The following TCEANC2 variants were observed in gnomAD, a reference collection of about 807,000 sequenced individuals.
TCEANC2 encodes transcription elongation factor A N-terminal and central domain-containing protein 2.
A neutral mutation model predicts 22.8 loss-of-function variants in TCEANC2; 20 were observed. The observed-to-expected ratio is 0.88, with a 90% confidence interval of 0.62 to 1.28. The LOEUF is 1.28. Among genes scored for constraint, TCEANC2 ranks in the 50% most tolerant of loss-of-function variants. The pLI is 0.00. For missense variants in TCEANC2, 251 were observed against 249.7 expected (o/e 1.01, Z -0.03); for synonymous variants, 84 against 95.5 (o/e 0.88, Z 0.70).
intron 3 of TCEANC2, among the ~76,000 whole-genome samples, chr1:54,069,436 C>T (rs1457399266): frequency 6.6e-6 from 1 of 151,942 alleles, no homozygotes; most frequent in Non-Finnish European, 1.5e-5. Flanking sequence ...GGCAAAACCC[C>T]GTCTCTACTA....
At position 54,096,892 on chromosome 1, in the gene TCEANC2, T is replaced by C; in HGVS notation, c.*419T>C. 1 of 989,662 alleles carries C rather than the reference T, an allele frequency of 1.0e-6. No individual in the cohort carries two copies. Among genetic ancestry groups the C allele is most frequent in the Non-Finnish European group, 1.2e-6 (1 of 832,298 alleles). The allele number at this position is 989,662 out of a possible 1,614,324, so 61.3% of individuals were successfully genotyped here. ...TGCCGCTCACTCGGTTCCATCCCCC[T>C]GAGTTTAGATAGCTCTGGTGCCTCT... On this transcript the variant is annotated 3_prime_UTR_variant, in exon 5 of 5. Transcript: ENST00000234827. This position sits in a 1 kb window ranked among gnomAD's most constrained non-coding sequence, Gnocchi z 4.9.
intron 2 of TCEANC2, among the ~76,000 whole-genome samples, chr1:54,056,591 C>G (rs903544714): frequency 2.6e-5 from 4 of 152,030 alleles, no homozygotes; most frequent in Admixed American, 2.0e-4. Context: ...TCCCAAAGTG[C>G]TGGGATTACA....
downstream of TCEANC2, among the ~76,000 whole-genome samples, chr1:54,108,743 C>T (rs541354346): frequency 6.6e-5 from 10 of 152,190 alleles, no homozygotes; most frequent in Admixed American, 1.3e-4. Context: ...GAGGCCGAGG[C>T]GGGCGGATCA....
intron 2 of TCEANC2, among the ~76,000 whole-genome samples, chr1:54,059,739 TC>T (rs1038773624): frequency 1.3e-5 from 2 of 152,190 alleles, no homozygotes; most frequent in African/African-American, 4.8e-5. Context: ...TCTGATCTGC[TC>T]CAAAACCTAA....
intron 3 of TCEANC2, among the ~76,000 whole-genome samples, chr1:54,083,034 G>A (rs1042011934): frequency 5.9e-5 from 9 of 152,060 alleles, no homozygotes; most frequent in African/African-American, 2.2e-4. Context: ...AAAAGATAGA[G>A]GGAGAATTAA....
At chr1:54,055,633 G>A (rs1173689911) in intron 2 of TCEANC2, among the ~76,000 whole-genome samples, 3 of 152,218 alleles carry the variant, frequency 2.0e-5, no homozygotes, top group Non-Finnish European at 4.4e-5. Context: ...GTTTCAGAAG[G>A]TGGGAGGAGG....
intron 3 of TCEANC2, among the ~76,000 whole-genome samples, chr1:54,076,645 T>C (rs1658148532): frequency 6.6e-6 from 1 of 152,148 alleles, no homozygotes. Flanking sequence ...GATGACATGA[T>C]GAGCGTTTCT....
intron 3 of TCEANC2, among the ~76,000 whole-genome samples, chr1:54,075,987 C>T (rs1658135854): frequency 6.6e-6 from 1 of 150,600 alleles, no homozygotes. Context: ...AAGATCATGC[C>T]ACCGCACTCC....
chr1:54,079,061 G>A (rs1438809523), intron 3 of TCEANC2, among the ~76,000 whole-genome samples: 1 of 152,180 alleles, frequency 6.6e-6, no homozygotes. Context: ...AGCTGATCAG[G>A]CAGTGGAGTT....
rs1170577884 is a variant in TCEANC2 at position 54,112,194 on chromosome 1, AACAAC to A, written n.2215_2219del. ...CCCAATTCTACAAAACAACAACAAC[AACAAC>A]AACAACAACAACAACAAATAGCCAG... On this transcript the variant is annotated non_coding_transcript_exon_variant, in exon 5 of 5. Coordinates refer to the TCEANC2 transcript ENST00000498272. 2.6e-5 allele frequency: 4 copies of A among 151,768 alleles called. No homozygotes were observed. The East Asian group carries it at 7.8e-4, about 30-fold the overall frequency. The allele number at this position is 151,768 out of a possible 1,614,324, so 9.4% of individuals were successfully genotyped here.
chr1:54,060,897 G>A (rs1034007901), intron 2 of TCEANC2, among the ~76,000 whole-genome samples: 4 of 150,506 alleles, frequency 2.7e-5, no homozygotes, highest in South Asian at 2.1e-4. Flanking sequence ...GCAGTGAGCC[G>A]AGATCATGCC....
At chr1:54,064,534 G>A (rs1657912261) in intron 2 of TCEANC2, among the ~76,000 whole-genome samples, 1 of 152,146 alleles carries the variant, frequency 6.6e-6, no homozygotes, top group South Asian at 2.1e-4. Context: ...ATGATTGGTT[G>A]TGGAAGGTGA....
chr1:54,103,359 GC>G lies in TCEANC2; in HGVS notation c.*6887del. 1 of 152,860 alleles carries G rather than the reference GC, an allele frequency of 6.5e-6. No homozygotes were observed. Among genetic ancestry groups the G allele is most frequent in the South Asian group, 2.0e-4 (1 of 4,944 alleles). 9.5% of individuals were successfully genotyped at this position (152,860 alleles called of 1,614,324 possible). ...AGGAAACTTACAATCATGGCAGAAG[GC>G]AAGGGGAAGCAGGCATCTTCTTCAC... On this transcript the variant is annotated 3_prime_UTR_variant, in exon 5 of 5. Transcript: ENST00000234827.
chr1:54,076,080 G>A (rs540891316), intron 3 of TCEANC2, among the ~76,000 whole-genome samples: 51 of 151,990 alleles, frequency 3.4e-4, no homozygotes, highest in African/African-American at 1.2e-3. Flanking sequence ...TATTTTATGA[G>A]TATTTTTTTG....
rs986324665 is a variant in TCEANC2 at position 54,098,171 on chromosome 1, A to T, written c.*1698A>T. On this transcript the variant is annotated 3_prime_UTR_variant, in exon 5 of 5. Transcript: ENST00000234827. ...GATATTTCCTAGATGCCCCATAGAC[A>T]TCTCAGATATAACATGTCTTCTTTC... The T allele has an allele frequency of 6.6e-6, 1 of 152,250 alleles. No individual in the cohort carries two copies. Among genetic ancestry groups the T allele is most frequent in the African/African-American group, 2.4e-5 (1 of 41,416 alleles). 9.4% of individuals were successfully genotyped at this position (152,250 alleles called of 1,614,324 possible). A position where few individuals can be genotyped will look rare whatever the true frequency, so the allele number is the denominator to read the frequency against.
chr1:54,080,451 A>G (rs1192520175), intron 3 of TCEANC2, among the ~76,000 whole-genome samples: 1 of 152,146 alleles, frequency 6.6e-6, no homozygotes, highest in Admixed American at 6.5e-5. Context: ...TGGCTGAGTT[A>G]TTATTAAGAC....
chr1:54,065,651 G>T (rs190933603), intron 2 of TCEANC2, among the ~76,000 whole-genome samples: 4 of 152,068 alleles, frequency 2.6e-5, no homozygotes, highest in African/African-American at 9.7e-5. Context: ...CCAGGAGATC[G>T]AGGCTGCAGT....
chr1:54,097,295 G>A lies in TCEANC2; in HGVS notation c.*822G>A, dbSNP rs1258771783. ...AATACTTGTTTTTTTAAAAGTAATAGTAAGCTGGGAACTTTTTTTTCTAAA... is the reference window on the plus strand; with the variant it reads ...AATACTTGTTTTTTTAAAAGTAATAATAAGCTGGGAACTTTTTTTTCTAAA... On this transcript the variant is annotated 3_prime_UTR_variant, in exon 5 of 5. Transcript: ENST00000234827. 1 of 150,468 alleles carries A rather than the reference G, an allele frequency of 6.6e-6. No individual in the cohort carries two copies. The highest frequency in any genetic ancestry group is 2.5e-5 in the African/African-American group (1 of 39,760). 9.3% of individuals were successfully genotyped at this position (150,468 alleles called of 1,614,324 possible).
chr1:54,054,077 T>A, intron 1 of TCEANC2: 1 of 364,718 alleles, frequency 2.7e-6, no homozygotes, highest in East Asian at 4.3e-5. Context: ...GGAAGAGGGC[T>A]TAGGTGCACG....
Sources: allele counts gnomAD v4.1 joint callset (sites outside exome capture counted in the v4.1 genomes callset), GRCh38; gene constraint gnomAD v4.1.1; non-coding constraint Gnocchi (gnomAD v3.1); transcripts MANE v1.5; gene names NCBI Gene and HGNC (gene_info 2026-07-23, HGNC 2026-07-21).